Variants in DELE1 observed in about 807,000 individuals in gnomAD.
DELE1 encodes the protein death ligand signal enhancer.
Under a neutral mutation model 59.3 loss-of-function variants are expected in DELE1, and 54 were observed. The ratio of observed to expected loss-of-function variants is 0.91; its 90% CI spans 0.73 to 1.14. The LOEUF (loss-of-function observed/expected upper bound fraction) is 1.14. Among genes scored for constraint, DELE1 ranks in the 50% most tolerant of loss-of-function variants. The pLI, the probability that DELE1 is intolerant of heterozygous loss-of-function variation, is 0.00. For synonymous variants in DELE1, 264 were observed against 259.1 expected, an observed-to-expected ratio of 1.02 and a Z score of -0.18; for missense variants, 636 against 643.9, an observed-to-expected ratio of 0.99 and a Z score of 0.13.
chr5:141,938,078 G>A (rs1008344915), intron 11 of DELE1, among the ~76,000 whole-genome samples: 4 of 151,778 alleles, frequency 2.6e-5, no homozygotes, highest in Non-Finnish European at 4.4e-5. Flanking sequence ...CACCCGCCTC[G>A]GCCTCCCAAA....
rs1752769694 is a variant in DELE1, at chr5:141,941,969, A to ACG, written c.*3212_*3213dup. 6 of 980,836 alleles carry ACG rather than the reference A, an allele frequency of 6.1e-6. No homozygotes were observed. Among genetic ancestry groups the ACG allele is most frequent in the Non-Finnish European group, 7.2e-6 (6 of 829,482 alleles). The allele number at this position is 980,836 out of a possible 1,614,324, so 60.8% of individuals were successfully genotyped here. A position where few individuals can be genotyped will look rare whatever the true frequency, so the allele number is the denominator to read the frequency against. ...ACTCGCCGCCTATACACACGCACACACGCACACACACACACACGGTTTCCT... is the reference window on the plus strand; with the variant it reads ...ACTCGCCGCCTATACACACGCACACACGCGCACACACACACACACGGTTTCCT... On this transcript the variant is annotated 3_prime_UTR_variant, in exon 12 of 12. Coordinates refer to ENST00000432126, the MANE Select transcript of DELE1 (RefSeq NM_014773.5).
chr5:141,932,100 G>GT (rs1490788200), intron 7 of DELE1, among the ~76,000 whole-genome samples: 1 of 152,202 alleles, frequency 6.6e-6, no homozygotes, highest in African/African-American at 2.4e-5. Flanking sequence ...GGTATATTAA[G>GT]TAAGTGCCAA....
rs573068917 is a variant in DELE1 at position 141,939,827 on chromosome 5, C to A, written c.*1068C>A. 5.0e-6 allele frequency: 3 copies of A among 601,796 alleles called. No homozygotes were observed. The highest frequency in any genetic ancestry group is 6.3e-6 in the Non-Finnish European group (3 of 479,766). 37.3% of individuals were successfully genotyped at this position (601,796 alleles called of 1,614,324 possible). A position where few individuals can be genotyped will look rare whatever the true frequency, so the allele number is the denominator to read the frequency against. ...GTGTCTGCCCTCCTACCTTAGAAGA[C>A]AAATGCAAGGGCATTTCACCACAGA... On this transcript the variant is annotated 3_prime_UTR_variant, in exon 12 of 12. Transcript: ENST00000432126.
chr5:141,938,312 G>C (rs1243595488), intron 11 of DELE1, among the ~76,000 whole-genome samples: 1 of 152,192 alleles, frequency 6.6e-6, no homozygotes, highest in Non-Finnish European at 1.5e-5. Flanking sequence ...ACAAATGGTA[G>C]CTGCTCTGAT....
rs201112619 is a variant in DELE1, at chr5:141,937,360, A to G, written c.1309+3A>G. ...CCTCTTTTCCATGGGGGCTGCAGGTACAGACCCAAGTCCAAGCCAACAGGT... is the reference window on the plus strand; with the variant it reads ...CCTCTTTTCCATGGGGGCTGCAGGTGCAGACCCAAGTCCAAGCCAACAGGT... On this transcript the variant is annotated splice_donor_region_variant and intron_variant, in intron 11 of 11. Coordinates refer to ENST00000432126, the MANE Select transcript of DELE1 (RefSeq NM_014773.5). The G allele has an allele frequency of 2.0e-5, 32 of 1,613,816 alleles. No homozygotes were observed. The highest frequency in any genetic ancestry group is 2.6e-5 in the Non-Finnish European group (31 of 1,179,962).
chr5:141,929,237 T>A (rs1232727752), intron 4 of DELE1, among the ~76,000 whole-genome samples: 1 of 152,172 alleles, frequency 6.6e-6, no homozygotes, highest in African/African-American at 2.4e-5. Context: ...CTGATCCTCT[T>A]CTGACCTGAT....
rs1751796110 is a variant in DELE1 at position 141,930,260 on chromosome 5, C to T, written c.740C>T (p.Ala247Val). The part of the protein sequence containing the change: ...QQLFQLSVSI[A>V]FNFLGTENMK... ...CTCTTCCAGCTCAGTGTTTCCATCGCTTTCAACTTCCTGGGTAACCAAATG... is the reference window on the plus strand; with the variant it reads ...CTCTTCCAGCTCAGTGTTTCCATCGTTTTCAACTTCCTGGGTAACCAAATG... The change falls in exon 7 of 12, where the codon GCT (alanine) becomes GTT (valine). Residue 247 changes from alanine (A) to valine (V), a missense_variant. Physicochemically the swap from Ala to Val is moderately conservative, Grantham distance 64. Coordinates refer to ENST00000432126, the MANE Select transcript of DELE1 (RefSeq NM_014773.5). The T allele has an allele frequency of 6.2e-7, 1 of 1,612,806 alleles. No individual in the cohort carries two copies. Among genetic ancestry groups the T allele is most frequent in the Admixed American group, 1.7e-5 (1 of 60,000 alleles).
rs1752770821 is a variant in DELE1 at position 141,941,975 on chromosome 5, A to G, written c.*3216A>G. ...CGCCTATACACACGCACACACGCAC[A>G]CACACACACACGGTTTCCTGTGCTA... On this transcript the variant is annotated 3_prime_UTR_variant, in exon 12 of 12. Coordinates refer to ENST00000432126, the MANE Select transcript of DELE1 (RefSeq NM_014773.5). The G allele has an allele frequency of 4.1e-6, 4 of 982,640 alleles. No homozygotes were observed. Among genetic ancestry groups the G allele is most frequent in the Non-Finnish European group, 4.8e-6 (4 of 827,592 alleles). The allele number at this position is 982,640 out of a possible 1,614,324, so 60.9% of individuals were successfully genotyped here.
In DELE1 at chr5:141,938,696, C is replaced by T; in HGVS notation, c.1485C>T (p.Ser495=). Reference sequence around the variant, plus strand: ...TCGGAGCCAGCCTGGAAGCCTCCAGCAGGGCTATTCCCCCACACCCCTACC... The same window carrying T: ...TCGGAGCCAGCCTGGAAGCCTCCAGTAGGGCTATTCCCCCACACCCCTACC... ...GHLGASLEAS[S]RAIPPHPYPL... Residue 495 remains serine (S), a synonymous_variant, in exon 12 of 12, where the codon AGC becomes AGT. Coordinates refer to ENST00000432126, the MANE Select transcript of DELE1 (RefSeq NM_014773.5). 6.2e-7 allele frequency: 1 copy of T among 1,614,094 alleles called. No homozygotes were observed. The highest frequency in any genetic ancestry group is 8.5e-7 in the Non-Finnish European group (1 of 1,180,036).
intron 11 of DELE1, 35 bp from the exon 12 acceptor site, chr5:141,938,486 G>A: frequency 6.3e-7 from 1 of 1,599,784 alleles, no homozygotes; most frequent in Non-Finnish European, 8.5e-7. Context: ...AGAATATACA[G>A]CAAGAGTAAG....
intron 11 of DELE1, among the ~76,000 whole-genome samples, chr5:141,937,887 C>T (rs780229224): frequency 2.7e-5 from 4 of 150,324 alleles, no homozygotes; most frequent in Admixed American, 6.6e-5. Flanking sequence ...TGCAATAGCG[C>T]GATCTCGGCT....
chr5:141,928,806 G>A (rs1751634308), intron 4 of DELE1, among the ~76,000 whole-genome samples: 1 of 152,044 alleles, frequency 6.6e-6, no homozygotes, highest in Admixed American at 6.5e-5. Flanking sequence ...ATAAATTGGG[G>A]TAATAATAAA....
chr5:141,933,942 A>G (rs1752150687), intron 8 of DELE1: 1 of 208,590 alleles, frequency 4.8e-6, no homozygotes, highest in Non-Finnish European at 9.5e-6. Context: ...TGTGCGTGCA[A>G]ATGCGTAGAT....
intron 7 of DELE1, 83 bp from the exon 8 acceptor site, chr5:141,933,174 CAG>C: frequency 1.1e-6 from 1 of 943,792 alleles, no homozygotes; most frequent in Non-Finnish European, 1.4e-6. Context: ...GGAGGAGGAT[CAG>C]ATGAGGAGTC....
rs1380361354 is a variant in DELE1 at position 141,941,080 on chromosome 5, G to A, written c.*2321G>A. 1.0e-6 allele frequency: 1 copy of A among 985,324 alleles called. No individual in the cohort carries two copies. Among genetic ancestry groups the A allele is most frequent in the African/African-American group, 1.7e-5 (1 of 57,222 alleles). The allele number at this position is 985,324 out of a possible 1,614,324, so 61.0% of individuals were successfully genotyped here. ...TTTGAGCCTTCCTGGGGCACCCTCT[G>A]CGTGAAATGTCACCGTGTGCCCTCC... On this transcript the variant is annotated 3_prime_UTR_variant, in exon 12 of 12. Transcript: ENST00000432126.
At chr5:141,927,833 T>C (rs1751540324) in intron 3 of DELE1, among the ~76,000 whole-genome samples, 1 of 152,206 alleles carries the variant, frequency 6.6e-6, no homozygotes, top group Non-Finnish European at 1.5e-5. Flanking sequence ...AGGTTGTACT[T>C]ATTAGGTCCC....
chr5:141,931,716 G>T (rs765497785), intron 7 of DELE1, among the ~76,000 whole-genome samples: 7 of 152,152 alleles, frequency 4.6e-5, no homozygotes, highest in Non-Finnish European at 7.3e-5. Flanking sequence ...AAGGGCAGAG[G>T]GCTCTGTCAA....
At chr5:141,936,349 G>A (rs1386613525) in intron 10 of DELE1, among the ~76,000 whole-genome samples, 1 of 152,192 alleles carries the variant, frequency 6.6e-6, no homozygotes, top group Non-Finnish European at 1.5e-5. Flanking sequence ...ACCTGATCCT[G>A]TTCCTCCCAG....
At chr5:141,928,361 C>CT in intron 4 of DELE1, 63 bp downstream of exon 4, 2 of 1,545,202 alleles carry the variant, frequency 1.3e-6, no homozygotes, top group South Asian at 2.4e-5. Context: ...CAGGAAGCGT[C>CT]TCTGGACACA....
Sources: gnomAD v4.1 joint callset for allele counts (sites outside exome capture counted in the v4.1 genomes callset) on GRCh38, gnomAD v4.1.1 for gene constraint, MANE v1.5 for transcripts, NCBI Gene and HGNC (gene_info 2026-07-23, HGNC 2026-07-21) for gene names.